Variants in PPA1 observed in about 807,000 individuals in gnomAD.
The protein encoded by PPA1 is inorganic pyrophosphatase.
Under a neutral mutation model 41.8 loss-of-function variants are expected in PPA1, and 23 were observed. That is an observed-to-expected ratio of 0.55 (90% CI 0.40 to 0.78). The LOEUF is 0.78. PPA1 is among the 30% of genes least tolerant of loss of function. The pLI is 0.00. For missense variants in PPA1, 320 were observed against 361.6 expected (o/e 0.89, Z 0.93); for synonymous variants, 101 against 116.8 (o/e 0.86, Z 0.87).
intron 2 of PPA1, among the ~76,000 whole-genome samples, chr10:70,226,451 C>T (rs191499335): frequency 2.3e-3 from 355 of 151,670 alleles, no homozygotes; most frequent in Non-Finnish European, 3.8e-3. Context: ...CCCAGCTACT[C>T]AGGAGACTGA....
In PPA1 at chr10:70,214,455, C is replaced by A. The variant is rs768312110; in HGVS notation, c.384+45G>T. ...TTAAAGTATGAAATTTGGTATACTT[C>A]ATTAATATCTCAACACTAAAGAAAA... On this transcript the variant is annotated intron_variant, in intron 5 of 10. Coordinates refer to ENST00000373232, the MANE Select transcript of PPA1 (RefSeq NM_021129.4). The A allele has an allele frequency of 4.7e-6, 7 of 1,481,260 alleles. No homozygotes were observed. In the South Asian group the frequency reaches 8.2e-5, roughly 17 times the overall value. 91.8% of individuals were successfully genotyped at this position (1,481,260 alleles called of 1,614,324 possible). A position where few individuals can be genotyped will look rare whatever the true frequency, so the allele number is the denominator to read the frequency against.
intron 1 of PPA1, 93 bp from the exon 2 acceptor site, chr10:70,230,492 T>A: frequency 8.0e-7 from 1 of 1,250,692 alleles, no homozygotes; most frequent in Non-Finnish European, 1.1e-6. Context: ...TAAGGTCCCT[T>A]ACTCTGTCAC....
intron 2 of PPA1, among the ~76,000 whole-genome samples, chr10:70,226,773 T>A (rs979519544): frequency 1.3e-5 from 2 of 152,236 alleles, no homozygotes; most frequent in East Asian, 3.9e-4. Flanking sequence ...CCAAGAAAAA[T>A]GCATTTATGC....
rs757383420 is a variant in PPA1 at position 70,214,627 on chromosome 10, G to A, written c.298-41C>T. On this transcript the variant is annotated intron_variant, in intron 4 of 10. Transcript: ENST00000373232. The stretch of plus-strand genomic sequence containing the variant: ...AGTGTATATCATTCCTATACATACT[G>A]ACAAAATGGATCATGTTGAGAATAA... 4.1e-6 allele frequency: 6 copies of A among 1,456,608 alleles called. No individual in the cohort carries two copies. In the South Asian group the frequency reaches 7.1e-5, roughly 17 times the overall value. 90.2% of individuals were successfully genotyped at this position (1,456,608 alleles called of 1,614,324 possible).
At chr10:70,225,119 T>C (rs1030609773) in intron 2 of PPA1, among the ~76,000 whole-genome samples, 1 of 152,248 alleles carries the variant, frequency 6.6e-6, no homozygotes, top group African/African-American at 2.4e-5. Flanking sequence ...CATTTTCAAG[T>C]TGACTCATTG....
chr10:70,206,362 G>A, intron 8 of PPA1, 29 bp from the exon 9 acceptor site: 4 of 1,531,784 alleles, frequency 2.6e-6, no homozygotes, highest in African/African-American at 1.4e-5. Context: ...GTAGTCATAA[G>A]ACAAAATAAC....
At chr10:70,204,940 A>G (rs1167984920) in intron 9 of PPA1, 25 bp from the exon 10 acceptor site, 4 of 1,544,954 alleles carry the variant, frequency 2.6e-6, no homozygotes, top group Middle Eastern at 2.0e-4. Context: ...ATTAAAATCT[A>G]TTAGTCTAAT....
chr10:70,203,223 T>C, intron 10 of PPA1, 37 bp from the exon 11 acceptor site: 1 of 1,563,506 alleles, frequency 6.4e-7, no homozygotes, highest in Non-Finnish European at 8.8e-7. Flanking sequence ...TTAGAATTCC[T>C]GTTGAGAATC....
intron 1 of PPA1, among the ~76,000 whole-genome samples, chr10:70,232,330 C>T (rs1411170899): frequency 1.3e-5 from 2 of 152,160 alleles, no homozygotes. Flanking sequence ...TGTGGTGACA[C>T]ATTTACGAAC....
intron 8 of PPA1, among the ~76,000 whole-genome samples, 172 bp downstream of exon 8, chr10:70,209,033 A>G (rs1839982879): frequency 6.6e-6 from 1 of 152,144 alleles, no homozygotes; most frequent in Non-Finnish European, 1.5e-5. Flanking sequence ...GGCTCAAGCA[A>G]TCCATCCACC....
At chr10:70,217,617 A>G (rs1564583168) in intron 4 of PPA1, among the ~76,000 whole-genome samples, 195 bp downstream of exon 4, 1 of 152,242 alleles carries the variant, frequency 6.6e-6, no homozygotes, top group South Asian at 2.1e-4. Flanking sequence ...CTGAATTTAA[A>G]CATTGTAAAT....
chr10:70,207,553 C>G (rs182028089), intron 8 of PPA1, among the ~76,000 whole-genome samples: 1 of 152,020 alleles, frequency 6.6e-6, no homozygotes, highest in East Asian at 1.9e-4. Flanking sequence ...CCTGTAGTAC[C>G]CAGCTACTTG....
intron 2 of PPA1, among the ~76,000 whole-genome samples, chr10:70,220,695 ATATATATATAATATATATAATT>A (rs1564584190): frequency 9.3e-4 from 4 of 4,282 alleles, no homozygotes; most frequent in African/African-American, 4.6e-3. Context: ...TATATAATTT[ATATATATATAATATATATAATT>A]TATATATATA....
In PPA1 at chr10:70,220,789, A is replaced by ATATATATATATTATATATATAATTTT. The variant is rs1564584283; in HGVS notation, c.124-1973_124-1972insAAAATTATATATATAATATATATATA. On this transcript the variant is annotated intron_variant, in intron 2 of 10. Coordinates refer to ENST00000373232, the MANE Select transcript of PPA1 (RefSeq NM_021129.4). ...TATATATATATAATATATATAATTT[A>ATATATATATATTATATATATAATTTT]TATATATATAATATATATAATTTTT... Among the ~76,000 whole-genome samples, 18 of 2,280 alleles carry ATATATATATATTATATATATAATTTT rather than the reference A, an allele frequency of 7.9e-3. 4 individuals are homozygous for ATATATATATATTATATATATAATTTT. The highest frequency in any genetic ancestry group is 0.034 in the African/African-American group (18 of 526). 1.5% of individuals were successfully genotyped at this position (2,280 alleles called of 152,430 possible). A position where few individuals can be genotyped will look rare whatever the true frequency, so the allele number is the denominator to read the frequency against.
intron 3 of PPA1, 144 bp downstream of exon 3, chr10:70,218,620 G>A (rs921465302): frequency 1.5e-6 from 1 of 645,468 alleles, no homozygotes; most frequent in Non-Finnish European, 2.7e-6. Context: ...AGACTAGTAG[G>A]CAATGGGAGA....
intron 2 of PPA1, among the ~76,000 whole-genome samples, chr10:70,221,065 TA>T (rs1672333835): frequency 1.2e-4 from 2 of 16,330 alleles, no homozygotes; most frequent in South Asian, 1.9e-3. Context: ...AATTTATATA[TA>T]TATATATATA....
At chr10:70,214,720 A>C in intron 4 of PPA1, 134 bp from the exon 5 acceptor site, 2 of 620,136 alleles carry the variant, frequency 3.2e-6, no homozygotes, top group Non-Finnish European at 5.4e-6. Flanking sequence ...CGCATTTAAG[A>C]ATCTTAACTA....
chr10:70,206,144 C>A, intron 9 of PPA1, 120 bp downstream of exon 9: 1 of 747,716 alleles, frequency 1.3e-6, no homozygotes, highest in Non-Finnish European at 2.3e-6. Flanking sequence ...AGACTCCACA[C>A]AGTAACATGC....
intron 2 of PPA1, among the ~76,000 whole-genome samples, chr10:70,226,399 A>G (rs1840231392): frequency 1.3e-5 from 2 of 151,978 alleles, no homozygotes; most frequent in South Asian, 4.2e-4. Context: ...GTCTCTACCA[A>G]TACAAAAAAA....
Sources: allele counts gnomAD v4.1 joint callset (sites outside exome capture counted in the v4.1 genomes callset), GRCh38; gene constraint gnomAD v4.1.1; transcripts MANE v1.5; gene names NCBI Gene and HGNC (gene_info 2026-07-23, HGNC 2026-07-21).